Variants in DCAF4 observed in about 807,000 individuals in gnomAD.
DCAF4 encodes the protein DDB1- and CUL4-associated factor 4.
In DCAF4, 37 loss-of-function variants were observed where a neutral mutation model predicts 60.9. The ratio of observed to expected loss-of-function variants is 0.61; its 90% CI spans 0.47 to 0.80. The LOEUF (loss-of-function observed/expected upper bound fraction) is 0.80, where lower values mean the gene tolerates loss of function less well. Among genes scored for constraint, DCAF4 ranks in the 30% least tolerant of loss-of-function variants. The pLI is 0.00. For synonymous variants in DCAF4, 243 were observed against 254.8 expected, an observed-to-expected ratio of 0.95 and a Z score of 0.44; for missense variants, 577 against 650.0, an observed-to-expected ratio of 0.89 and a Z score of 1.22.
rs750290820 is a variant in DCAF4 at position 72,958,689 on chromosome 14, G to A, written c.1372G>A (p.Ala458Thr). 1 of 1,614,150 alleles carries A rather than the reference G, an allele frequency of 6.2e-7. No individual in the cohort carries two copies. Among genetic ancestry groups the A allele is most frequent in the South Asian group, 1.1e-5 (1 of 91,072 alleles). The change falls in exon 14 of 14, where the codon GCC becomes ACC. Residue 458 changes from alanine to threonine, a missense_variant. Transcript: ENST00000358377. ...GAGAACCATACCCTCCCCGTACCCT[G>A]CCTCCAAGGCCGACATTCCCAGTGT... ...LLRTIPSPYP[A>T]SKADIPSVAF... is the part of the protein sequence containing the mutation.
chr14:72,950,722 A>G (rs938223314), intron 8 of DCAF4, among the ~76,000 whole-genome samples: 4 of 152,188 alleles, frequency 2.6e-5, no homozygotes, highest in African/African-American at 9.7e-5. Flanking sequence ...AATTTAAATA[A>G]CAGTGAGGTA....
intron 5 of DCAF4, 43 bp from the exon 6 acceptor site, chr14:72,942,951 A>C: frequency 1.3e-6 from 2 of 1,590,584 alleles, no homozygotes; most frequent in Non-Finnish European, 1.7e-6. Context: ...TTCTTCATGG[A>C]TGTCAGCTTC....
chr14:72,952,482 C>A (rs539506354), intron 9 of DCAF4, among the ~76,000 whole-genome samples: 24 of 152,310 alleles, frequency 1.6e-4, no homozygotes, highest in African/African-American at 5.5e-4. Flanking sequence ...CCTGGTATTT[C>A]ATTGCACAGC....
In DCAF4 at chr14:72,959,047, T is replaced by C. The variant is rs1460175839; in HGVS notation, c.*242T>C. On this transcript the variant is annotated 3_prime_UTR_variant, in exon 14 of 14. Coordinates refer to ENST00000358377, the MANE Select transcript of DCAF4 (RefSeq NM_015604.4). ...ATAAAAGGTACCTCTTTCCTTTTCT[T>C]ATTGAATTCTTAGAACTTAGTTAAC... The C allele has an allele frequency of 5.0e-6, 6 of 1,206,102 alleles. No individual in the cohort carries two copies. The highest frequency in any genetic ancestry group is 6.2e-6 in the Non-Finnish European group (6 of 970,582). 74.7% of individuals were successfully genotyped at this position (1,206,102 alleles called of 1,614,324 possible).
chr14:72,948,286 C>T (rs990077539), intron 8 of DCAF4, among the ~76,000 whole-genome samples: 17 of 152,134 alleles, frequency 1.1e-4, no homozygotes, highest in African/African-American at 4.1e-4. Flanking sequence ...CTCCTGGGCT[C>T]AAGTGATCCT....
intron 11 of DCAF4, 74 bp downstream of exon 11, chr14:72,954,557 C>T (rs1594800968): frequency 2.4e-6 from 2 of 833,982 alleles, no homozygotes; most frequent in African/African-American, 1.8e-5. Flanking sequence ...AAATTGGACT[C>T]CTCTGTGTGC....
chr14:72,946,189 C>T (rs1049252794), intron 7 of DCAF4, among the ~76,000 whole-genome samples, 162 bp downstream of exon 7: 9 of 149,238 alleles, frequency 6.0e-5, no homozygotes, highest in African/African-American at 2.2e-4. Context: ...TCAGACCAAC[C>T]TGGGCAGCAT....
chr14:72,947,125 G>A lies in DCAF4; in HGVS notation c.679-17G>A, dbSNP rs779367097. On this transcript the variant is annotated splice_polypyrimidine_tract_variant and intron_variant, in intron 7 of 13. Coordinates refer to ENST00000358377, the MANE Select transcript of DCAF4 (RefSeq NM_015604.4). ...CTGTAGAATAACTTTCCATCTCGCTGTGTGCTTCCTCACCAGGTGAATTCG... is the reference window on the plus strand; with the variant it reads ...CTGTAGAATAACTTTCCATCTCGCTATGTGCTTCCTCACCAGGTGAATTCG... 4.3e-6 allele frequency: 7 copies of A among 1,614,134 alleles called. No individual in the cohort carries two copies. The highest frequency in any genetic ancestry group is 2.7e-5 in the African/African-American group (2 of 75,054).
intron 9 of DCAF4, among the ~76,000 whole-genome samples, chr14:72,953,732 A>AATAT (rs71109769): frequency 3.2e-4 from 7 of 21,764 alleles, no homozygotes; most frequent in African/African-American, 1.6e-3. Context: ...AAAAAAAAAA[A>AATAT]ATATATATAT....
intron 6 of DCAF4, among the ~76,000 whole-genome samples, chr14:72,945,506 G>A (rs1166605930): frequency 6.6e-6 from 1 of 151,506 alleles, no homozygotes; most frequent in Non-Finnish European, 1.5e-5. Flanking sequence ...CTATGTAATA[G>A]GAACTAGCAT....
chr14:72,958,508 T>G, intron 13 of DCAF4, 104 bp from the exon 14 acceptor site: 1 of 1,375,236 alleles, frequency 7.3e-7, no homozygotes, highest in Non-Finnish European at 1.0e-6. Context: ...TTGGCTCACA[T>G]GAAATCACAG....
chr14:72,928,870 C>G (rs1466569641), intron 1 of DCAF4, among the ~76,000 whole-genome samples: 1 of 152,112 alleles, frequency 6.6e-6, no homozygotes, highest in African/African-American at 2.4e-5. Context: ...AGCCCCGAGG[C>G]CCCCAAACTG....
chr14:72,956,114 G>A (rs898126903), intron 12 of DCAF4, among the ~76,000 whole-genome samples: 1 of 151,740 alleles, frequency 6.6e-6, no homozygotes, highest in Non-Finnish European at 1.5e-5. Flanking sequence ...GTAGAGATGG[G>A]GTTTCACCAT....
At chr14:72,941,961 T>G (rs1178560942) in intron 5 of DCAF4, 137 bp downstream of exon 5, 2 of 852,542 alleles carry the variant, frequency 2.3e-6, no homozygotes, top group Non-Finnish European at 3.7e-6. Flanking sequence ...GGGCTCCAGT[T>G]CACACCCTGC....
intron 5 of DCAF4, 86 bp downstream of exon 5, chr14:72,941,910 T>C (rs1299727542): frequency 7.0e-7 from 1 of 1,434,062 alleles, no homozygotes; most frequent in Non-Finnish European, 9.8e-7. Context: ...CCAGTCTGGA[T>C]AGACCATGTG....
chr14:72,932,896 CTTTCTTTTTTTT>C (rs965451637), intron 1 of DCAF4, among the ~76,000 whole-genome samples: 30 of 151,850 alleles, frequency 2.0e-4, no homozygotes, highest in African/African-American at 6.3e-4. Flanking sequence ...TTCTTTCTTT[CTTTCTTTTTTTT>C]AATGTTGTTT....
At chr14:72,953,088 C>T (rs1227110035) in intron 9 of DCAF4, among the ~76,000 whole-genome samples, 1 of 149,740 alleles carries the variant, frequency 6.7e-6, no homozygotes, top group Admixed American at 6.7e-5. Context: ...GCAACCTCCG[C>T]CTCTGGGGCT....
chr14:72,955,577 C>T lies in DCAF4; in HGVS notation c.1060C>T (p.Arg354Cys), dbSNP rs146567602. 459 of 1,614,104 alleles carry T rather than the reference C, an allele frequency of 2.8e-4. 1 individual carries two copies. In the African/African-American group the frequency reaches 5.7e-3, roughly 20 times the overall value. ...TGGGGAAATCTTTGCCATTGATCTG[C>T]GTTGTGGAAATCAAGGCAAGGGATG... ...RSGEIFAIDLRCGNQGKGWKA... is the reference protein window; with the variant it reads ...RSGEIFAIDLCCGNQGKGWKA... The change falls in exon 12 of 14, where the codon CGT (arginine) becomes TGT (cysteine). Residue 354 changes from arginine (R) to cysteine (C), a missense_variant. Transcript: ENST00000358377.
Position 72,959,341 on chromosome 14 carries a change from T to C in DCAF4, c.*536T>C. The C allele has an allele frequency of 1.0e-6, 1 of 985,616 alleles. No homozygotes were observed. Among genetic ancestry groups the C allele is most frequent in the Non-Finnish European group, 1.2e-6 (1 of 830,068 alleles). 61.1% of individuals were successfully genotyped at this position (985,616 alleles called of 1,614,324 possible). ...TTTGGAATCCTTAAACTTGGCCTTCTCAAACTCAGCAGCAGATCTCCGGGA... is the reference window on the plus strand; with the variant it reads ...TTTGGAATCCTTAAACTTGGCCTTCCCAAACTCAGCAGCAGATCTCCGGGA... On this transcript the variant is annotated 3_prime_UTR_variant, in exon 14 of 14. Coordinates refer to ENST00000358377, the MANE Select transcript of DCAF4 (RefSeq NM_015604.4).
Sources: gnomAD v4.1 joint callset for allele counts (sites outside exome capture counted in the v4.1 genomes callset) on GRCh38, gnomAD v4.1.1 for gene constraint, MANE v1.5 for transcripts, NCBI Gene and HGNC (gene_info 2026-07-23, HGNC 2026-07-21) for gene names.